NCOA2: variants seen among roughly 807,000 people sequenced by gnomAD.
NCOA2 encodes the protein class E basic helix-loop-helix protein 75.
In NCOA2, 21 loss-of-function variants were observed where a neutral mutation model predicts 145.1. That is an observed-to-expected ratio of 0.14 (90% CI 0.10 to 0.21). The LOEUF is 0.21. Ranked by LOEUF, NCOA2 falls within the 10% of genes least tolerant of loss-of-function variation. The pLI is 1.00. For missense variants in NCOA2, 1,472 were observed against 1,837.6 expected (o/e 0.80, Z 3.64); for synonymous variants, 619 against 637.5 (o/e 0.97, Z 0.44).
chr8:70,414,952 G>A, the NCOA2 span, among the ~76,000 whole-genome samples: 1 of 151,950 alleles, frequency 6.6e-6, no homozygotes, highest in Non-Finnish European at 1.5e-5. Flanking sequence ...AAAAAGATAG[G>A]GTATGTTTCT....
At chr8:70,394,333 T>G (rs761405166) in intron 1 of NCOA2, among the ~76,000 whole-genome samples, 4 of 152,216 alleles carry the variant, frequency 2.6e-5, no homozygotes, top group African/African-American at 4.8e-5. Flanking sequence ...TTTTGTATTT[T>G]TAACTGAGAT....
At chr8:70,158,707 G>A (rs150233532) in intron 10 of NCOA2, among the ~76,000 whole-genome samples, 1,802 of 152,146 alleles carry the variant, frequency 0.012, 47 homozygotes, top group African/African-American at 0.041. Flanking sequence ...AGCTGAGATC[G>A]CGCCACTGCA....
chr8:70,233,266 A>G (rs1247602306), intron 2 of NCOA2, among the ~76,000 whole-genome samples: 1 of 152,184 alleles, frequency 6.6e-6, no homozygotes. Context: ...ATATTTCATT[A>G]TAACCCCAGA....
At chr8:70,301,238 G>C (rs1201091161) in intron 1 of NCOA2, among the ~76,000 whole-genome samples, 2 of 152,080 alleles carry the variant, frequency 1.3e-5, no homozygotes, top group African/African-American at 2.4e-5. Context: ...TTGCACCTTT[G>C]GCAGACACTA....
chr8:70,187,004 C>A (rs991419848), intron 4 of NCOA2, among the ~76,000 whole-genome samples: 15 of 152,180 alleles, frequency 9.9e-5, no homozygotes, highest in African/African-American at 3.4e-4. Context: ...AGCATAAATT[C>A]TCTCCAATTT....
At chr8:70,364,150 AG>A (rs1810459697) in intron 1 of NCOA2, among the ~76,000 whole-genome samples, 1 of 152,206 alleles carries the variant, frequency 6.6e-6, no homozygotes, top group South Asian at 2.1e-4. Flanking sequence ...CTCTACAACC[AG>A]GAAGAATATG....
chr8:70,407,642 A>T (rs1216915525), upstream of NCOA2, among the ~76,000 whole-genome samples: 1 of 151,946 alleles, frequency 6.6e-6, no homozygotes, highest in Non-Finnish European at 1.5e-5. Context: ...CAAAAAAAAA[A>T]AAAAATTAGC....
intron 12 of NCOA2, among the ~76,000 whole-genome samples, chr8:70,148,051 G>A (rs1811305527): frequency 6.6e-6 from 1 of 152,154 alleles, no homozygotes; most frequent in Non-Finnish European, 1.5e-5. Context: ...CAGTCTCCCT[G>A]TCCAGTGCTG....
At chr8:70,215,435 C>G (rs1330642407) in intron 3 of NCOA2, among the ~76,000 whole-genome samples, 3 of 152,110 alleles carry the variant, frequency 2.0e-5, no homozygotes, top group Non-Finnish European at 2.9e-5. Context: ...GTCTGACAGA[C>G]AGAAGTTTGT....
intron 4 of NCOA2, among the ~76,000 whole-genome samples, chr8:70,195,199 TATGTGAC>T (rs1452372205): frequency 2.6e-5 from 4 of 152,236 alleles, no homozygotes; most frequent in Admixed American, 2.6e-4. Flanking sequence ...TGACAGAGTA[TATGTGAC>T]AGACTTTGCT....
At chr8:70,173,160 G>A (rs1317941226) in intron 5 of NCOA2, among the ~76,000 whole-genome samples, 1 of 152,198 alleles carries the variant, frequency 6.6e-6, no homozygotes, top group Non-Finnish European at 1.5e-5. Flanking sequence ...TGACAAAAAT[G>A]TTGGTTTGAT....
chr8:70,455,675 T>G, the NCOA2 span, among the ~76,000 whole-genome samples: 1 of 148,456 alleles, frequency 6.7e-6, no homozygotes, highest in African/African-American at 2.5e-5. Flanking sequence ...AGTCCTTCAT[T>G]TTTTTTTTTT....
intron 1 of NCOA2, among the ~76,000 whole-genome samples, chr8:70,336,001 T>A (rs1302190499): frequency 6.6e-6 from 1 of 152,212 alleles, no homozygotes; most frequent in African/African-American, 2.4e-5. Context: ...AGAAGATTTT[T>A]AAAAAATTAT....
chr8:70,403,382 G>T (rs1326812873), intron 1 of NCOA2, among the ~76,000 whole-genome samples: 3 of 151,382 alleles, frequency 2.0e-5, no homozygotes, highest in Non-Finnish European at 4.4e-5. Context: ...CGCGCTCCGG[G>T]ACTCGTCTCC....
At chr8:70,119,532 T>C (rs1807543083) in intron 22 of NCOA2, among the ~76,000 whole-genome samples, 1 of 152,226 alleles carries the variant, frequency 6.6e-6, no homozygotes, top group African/African-American at 2.4e-5. Context: ...AGAGTGCAGG[T>C]ATCCCTTTGA....
upstream of NCOA2, chr8:70,403,878 C>CCTCCTCCTT (rs1814625992): frequency 1.3e-5 from 5 of 385,338 alleles, no homozygotes; most frequent in African/African-American, 1.0e-4. Flanking sequence ...TCCTCCTCCT[C>CCTCCTCCTT]CGCGTCTCCG....
chr8:70,282,479 A>G (rs554180212), intron 2 of NCOA2, among the ~76,000 whole-genome samples: 2 of 152,280 alleles, frequency 1.3e-5, no homozygotes, highest in South Asian at 2.1e-4. Context: ...GGAGGTCAGG[A>G]GTTCAAGACC....
At chr8:70,231,835 G>A (rs1821163256) in intron 2 of NCOA2, among the ~76,000 whole-genome samples, 1 of 152,060 alleles carries the variant, frequency 6.6e-6, no homozygotes. Context: ...CAGTACCATA[G>A]AACGCCTCTA....
In NCOA2 at chr8:70,156,606, C is replaced by T; in HGVS notation, c.1759G>A (p.Gly587Arg). ...CCTTCAGAGGGCTCCCCATATAGTC[C>T]AAAACAGTCTTTTGAGTCCAAGCTT... is the stretch of plus-strand genomic sequence containing the variant. ...MGSLDSKDCF[G>R]LYGEPSEGTT... Residue 587 changes from glycine (G) to arginine (R), a missense_variant, in exon 11 of 23, where the codon GGA becomes AGA. Gly to Arg is a moderately radical substitution (Grantham distance 125, BLOSUM62 -2). Transcript: ENST00000452400. 6.2e-7 allele frequency: 1 copy of T among 1,613,890 alleles called. No individual in the cohort carries two copies. Among genetic ancestry groups the T allele is most frequent in the Non-Finnish European group, 8.5e-7 (1 of 1,179,868 alleles).
Sources: gnomAD v4.1 joint callset for allele counts (sites outside exome capture counted in the v4.1 genomes callset) on GRCh38, gnomAD v4.1.1 for gene constraint, MANE v1.5 for transcripts, NCBI Gene and HGNC (gene_info 2026-07-23, HGNC 2026-07-21) for gene names.